Variants in NOP9 observed in about 807,000 individuals in gnomAD.
NOP9 encodes the protein nucleolar protein 9.
A neutral mutation model predicts 63.0 loss-of-function variants in NOP9; 50 were observed. The observed-to-expected ratio is 0.79, with a 90% CI of 0.63 to 1.00. NOP9 has a LOEUF of 1.00. Among genes scored for constraint, NOP9 ranks in the 50% least tolerant of loss-of-function variants. NOP9 has a pLI of 0.00. For missense variants in NOP9, 758 were observed against 803.0 expected (o/e 0.94, Z 0.68); for synonymous variants, 343 against 332.8 (o/e 1.03, Z -0.33).
intron 2 of NOP9, 82 bp downstream of exon 2, chr14:24,300,939 G>A: frequency 2.7e-6 from 3 of 1,131,408 alleles, no homozygotes; most frequent in Non-Finnish European, 3.8e-6. Context: ...AGAAGAGTAA[G>A]TCTTCATGGG....
At chr14:24,272,060 T>C in the NOP9 span, among the ~76,000 whole-genome samples, 1 of 152,250 alleles carries the variant, frequency 6.6e-6, no homozygotes, top group East Asian at 1.9e-4. Flanking sequence ...TCCTCACCCC[T>C]TTTTCACTTC....
In NOP9 at chr14:24,306,791, G is replaced by A. The variant is rs2041524211; in HGVS notation, c.*1696G>A. 1 of 495,424 alleles carries A rather than the reference G, an allele frequency of 2.0e-6. No individual in the cohort carries two copies. Among genetic ancestry groups the A allele is most frequent in the East Asian group, 3.5e-5 (1 of 28,280 alleles). The allele number at this position is 495,424 out of a possible 1,614,324, so 30.7% of individuals were successfully genotyped here. On this transcript the variant is annotated 3_prime_UTR_variant, in exon 10 of 10. Transcript: ENST00000267425. ...TCCAAGTCACTTCTGGTTTGGAATT[G>A]GAAAGCAAGCCAGGTTCTCACGAAG...
At chr14:24,301,819 T>C in intron 3 of NOP9, 97 bp downstream of exon 3, 2 of 1,498,666 alleles carry the variant, frequency 1.3e-6, no homozygotes, top group African/African-American at 2.8e-5. Context: ...CCTCTTCTTT[T>C]CAAACCTGGT....
In NOP9 at chr14:24,300,122, C is replaced by T. The variant is rs1156745765; in HGVS notation, c.168C>T (p.His56=). The change falls in exon 1 of 10, where the codon CAC becomes CAT. Residue 56 remains histidine, a synonymous_variant. Transcript: ENST00000267425. ...AGCCGGCTCCAGATTCGCACCCGCACCTGAGCCCGGAAGCTCTGGGATATT... is the reference window on the plus strand; with the variant it reads ...AGCCGGCTCCAGATTCGCACCCGCATCTGAGCCCGGAAGCTCTGGGATATT... ...RSEPAPDSHP[H]LSPEALGYFR... 2 of 1,613,704 alleles carry T rather than the reference C, an allele frequency of 1.2e-6. No homozygotes were observed.
the NOP9 span, among the ~76,000 whole-genome samples, chr14:24,282,696 C>T: frequency 1.5e-4 from 23 of 152,116 alleles, no homozygotes; most frequent in Admixed American, 1.1e-3. Flanking sequence ...TGCACAAAGC[C>T]GGGCCCACTT....
chr14:24,275,075 G>A, the NOP9 span, among the ~76,000 whole-genome samples: 6 of 151,812 alleles, frequency 4.0e-5, no homozygotes, highest in African/African-American at 1.5e-4. Context: ...ACCATGCCCA[G>A]CTAATTTTGT....
chr14:24,277,634 G>A, the NOP9 span, among the ~76,000 whole-genome samples: 7 of 152,316 alleles, frequency 4.6e-5, no homozygotes, highest in African/African-American at 1.4e-4. Flanking sequence ...GCCCGAGGCC[G>A]CACAGCCAGA....
At chr14:24,283,053 A>G in the NOP9 span, among the ~76,000 whole-genome samples, 35 of 152,308 alleles carry the variant, frequency 2.3e-4, no homozygotes, top group African/African-American at 8.4e-4. Context: ...CTGAACTAAG[A>G]GACTTGACCA....
chr14:24,282,399 G>A, the NOP9 span, among the ~76,000 whole-genome samples: 3 of 152,180 alleles, frequency 2.0e-5, no homozygotes, highest in Non-Finnish European at 4.4e-5. Flanking sequence ...GATGAAAAGA[G>A]TAGGGCCTAG....
rs780498437 is a variant in NOP9 at position 24,302,128 on chromosome 14, C to G, written c.950+22C>G. 15 of 1,607,458 alleles carry G rather than the reference C, an allele frequency of 9.3e-6. No individual in the cohort carries two copies. The African/African-American group carries it at 1.5e-4, about 16-fold the overall frequency. ...GCAGGTATGGTCAGGGCCTCAGGAT[C>G]GACCCAAGTTGGCGGGGCTGTGTGA... On this transcript the variant is annotated intron_variant, in intron 4 of 9. Transcript: ENST00000267425.
At chr14:24,291,029 C>T in the NOP9 span, 1 of 1,613,696 alleles carries the variant, frequency 6.2e-7, no homozygotes, top group South Asian at 1.1e-5. Context: ...ATTAGATTCT[C>T]ATTTCCCACT....
At chr14:24,283,263 T>A in the NOP9 span, among the ~76,000 whole-genome samples, 1 of 152,192 alleles carries the variant, frequency 6.6e-6, no homozygotes, top group African/African-American at 2.4e-5. Flanking sequence ...ATGTATCTCT[T>A]GCAACTCAAA....
At chr14:24,281,549 A>G in the NOP9 span, among the ~76,000 whole-genome samples, 3 of 152,232 alleles carry the variant, frequency 2.0e-5, no homozygotes, top group Non-Finnish European at 4.4e-5. Flanking sequence ...AAATGGATGA[A>G]GACATCTATG....
chr14:24,304,786 C>A, intron 9 of NOP9, 152 bp from the exon 10 acceptor site: 1 of 987,892 alleles, frequency 1.0e-6, no homozygotes, highest in Non-Finnish European at 1.5e-6. Flanking sequence ...TCTGCCCTCA[C>A]CCTGCCCTCT....
intron 2 of NOP9, among the ~76,000 whole-genome samples, 165 bp downstream of exon 2, chr14:24,301,022 G>C (rs929808679): frequency 6.6e-6 from 1 of 152,196 alleles, no homozygotes; most frequent in Non-Finnish European, 1.5e-5. Flanking sequence ...AGATTAGTGT[G>C]TGCGGAGGCC....
At chr14:24,303,616 G>A (rs4982894) in intron 6 of NOP9, 116 bp from the exon 7 acceptor site, 453,057 of 1,034,334 alleles carry the variant, frequency 0.44, 108,755 homozygotes, top group Middle Eastern at 0.51. Context: ...CTGCTTTCAT[G>A]GAGCTAACAT....
rs374399111 is a variant in NOP9 at position 24,306,320 on chromosome 14, C to T, written c.*1225C>T. The T allele has an allele frequency of 3.4e-5, 54 of 1,608,286 alleles. No homozygotes were observed. The highest frequency in any genetic ancestry group is 9.4e-5 in the African/African-American group (7 of 74,758). On this transcript the variant is annotated 3_prime_UTR_variant, in exon 10 of 10. Coordinates refer to ENST00000267425, the MANE Select transcript of NOP9 (RefSeq NM_174913.3). ...TCAGGGTTAAGCTAGAGAGGAAGCC[C>T]GGGAAAGCTCTAAAGGACAGGCATT... is the stretch of plus-strand genomic sequence containing the variant.
the NOP9 span, among the ~76,000 whole-genome samples, chr14:24,281,554 T>A: frequency 6.6e-6 from 1 of 152,196 alleles, no homozygotes; most frequent in African/African-American, 2.4e-5. Context: ...GATGAAGACA[T>A]CTATGGCTCT....
chr14:24,299,939 A>C lies in NOP9; in HGVS notation c.-16A>C. On this transcript the variant is annotated 5_prime_UTR_variant, in exon 1 of 10. Transcript: ENST00000267425. ...GTTAAGGAAGCTTTTGCAGCCGGACAGGTCGCGAAGCACACATGGGGCAGG... is the reference window on the plus strand; with the variant it reads ...GTTAAGGAAGCTTTTGCAGCCGGACCGGTCGCGAAGCACACATGGGGCAGG... 1 of 1,520,486 alleles carries C rather than the reference A, an allele frequency of 6.6e-7. No homozygotes were observed. The highest frequency in any genetic ancestry group is 1.3e-5 in the South Asian group (1 of 78,028). 94.2% of individuals were successfully genotyped at this position (1,520,486 alleles called of 1,614,324 possible).
Sources: gnomAD v4.1 joint callset for allele counts (sites outside exome capture counted in the v4.1 genomes callset) on GRCh38, gnomAD v4.1.1 for gene constraint, MANE v1.5 for transcripts, NCBI Gene and HGNC (gene_info 2026-07-23, HGNC 2026-07-21) for gene names.